The following SAMD3 variants were observed in gnomAD, a reference collection of about 807,000 sequenced individuals.
SAMD3 encodes the protein sterile alpha motif domain-containing protein 3.
In SAMD3, 63 loss-of-function variants were observed where a neutral mutation model predicts 58.5. The ratio of observed to expected loss-of-function variants is 1.08; its 90% CI spans 0.88 to 1.33. The LOEUF (loss-of-function observed/expected upper bound fraction) is 1.33. SAMD3 is among the 40% of genes most tolerant of loss of function. The pLI is 0.00. For synonymous variants in SAMD3, 220 were observed against 210.3 expected (o/e 1.05, Z -0.40); for missense variants, 604 against 608.4 (o/e 0.99, Z 0.08).
At chr6:130,290,827 A>G (rs967674199) in intron 2 of SAMD3, among the ~76,000 whole-genome samples, 1 of 152,220 alleles carries the variant, frequency 6.6e-6, no homozygotes, top group Non-Finnish European at 1.5e-5. Context: ...AAAAGCCATT[A>G]TTATTACTGT....
At chr6:130,297,182 G>T (rs1206501756) in intron 2 of SAMD3, among the ~76,000 whole-genome samples, 1 of 152,152 alleles carries the variant, frequency 6.6e-6, no homozygotes, top group East Asian at 1.9e-4. Flanking sequence ...AGTCCTGAAG[G>T]AGATAGTTTG....
At chr6:130,184,080 G>C in intron 7 of SAMD3, 23 bp downstream of exon 7, 1 of 1,587,832 alleles carries the variant, frequency 6.3e-7, no homozygotes, top group Non-Finnish European at 8.6e-7. Flanking sequence ...AAATTAACAG[G>C]ATGGTGCCAT....
chr6:130,294,102 C>T (rs957190054), intron 2 of SAMD3, among the ~76,000 whole-genome samples: 2 of 152,130 alleles, frequency 1.3e-5, no homozygotes, highest in Non-Finnish European at 2.9e-5. Context: ...CTGAGAGATA[C>T]AGATTTGAAG....
At chr6:130,351,812 C>T (rs574419702) in intron 1 of SAMD3, among the ~76,000 whole-genome samples, 77 of 152,134 alleles carry the variant, frequency 5.1e-4, no homozygotes, top group African/African-American at 1.7e-3. Context: ...TGGAACCAAC[C>T]CAAATGTCCA....
chr6:130,306,130 G>A (rs1421281510), intron 2 of SAMD3, among the ~76,000 whole-genome samples: 2 of 152,152 alleles, frequency 1.3e-5, no homozygotes, highest in African/African-American at 4.8e-5. Context: ...AGGTTTCAAC[G>A]TATGAATTGG....
At chr6:130,356,857 C>G (rs1234797854) in intron 1 of SAMD3, among the ~76,000 whole-genome samples, 1 of 152,190 alleles carries the variant, frequency 6.6e-6, no homozygotes, top group Non-Finnish European at 1.5e-5. Flanking sequence ...GACAACCAGA[C>G]AGCCACAATT....
intron 5 of SAMD3, among the ~76,000 whole-genome samples, chr6:130,195,522 C>T (rs1171320539): frequency 1.3e-5 from 2 of 152,142 alleles, no homozygotes; most frequent in South Asian, 2.1e-4. Context: ...CCCATGGTGC[C>T]GAACCCATAT....
intron 1 of SAMD3, among the ~76,000 whole-genome samples, chr6:130,359,478 T>C (rs1254867668): frequency 6.6e-6 from 1 of 152,240 alleles, no homozygotes; most frequent in East Asian, 1.9e-4. Context: ...CATCCTTGTC[T>C]ACCTTTTGAA....
chr6:130,363,559 T>C (rs1420032004), intron 1 of SAMD3, among the ~76,000 whole-genome samples: 1 of 152,210 alleles, frequency 6.6e-6, no homozygotes, highest in African/African-American at 2.4e-5. Flanking sequence ...CAATCACATA[T>C]GTATTGAGGA....
At chr6:130,365,487 G>A (rs182295047), upstream of SAMD3, 877 of 985,216 alleles carry the variant, frequency 8.9e-4, 7 homozygotes, top group African/African-American at 0.014. Context: ...ACCCCGGCCC[G>A]CCGGGCGGCA....
intron 2 of SAMD3, among the ~76,000 whole-genome samples, chr6:130,308,330 C>T (rs937104216): frequency 1.5e-5 from 2 of 136,858 alleles, no homozygotes; most frequent in African/African-American, 6.5e-5. Flanking sequence ...TCAACCTCCT[C>T]AATTTGGCAA....
chr6:130,307,697 T>A (rs1775953690), intron 2 of SAMD3, among the ~76,000 whole-genome samples: 1 of 152,254 alleles, frequency 6.6e-6, no homozygotes, highest in South Asian at 2.1e-4. Context: ...TGGTTGCTAA[T>A]GGTTATGTCC....
intron 2 of SAMD3, among the ~76,000 whole-genome samples, chr6:130,289,922 G>A (rs565927208): frequency 2.0e-5 from 3 of 152,262 alleles, no homozygotes; most frequent in South Asian, 2.1e-4. Flanking sequence ...GGCAGATCTC[G>A]TAATCTTGGA....
intron 5 of SAMD3, among the ~76,000 whole-genome samples, chr6:130,196,971 C>G (rs1290659093): frequency 6.6e-6 from 1 of 152,166 alleles, no homozygotes; most frequent in Non-Finnish European, 1.5e-5. Flanking sequence ...AGCAGTTTTT[C>G]AGGCTCTTAG....
intron 2 of SAMD3, among the ~76,000 whole-genome samples, chr6:130,237,150 C>T (rs73603969): frequency 0.012 from 1,888 of 152,148 alleles, 29 homozygotes; most frequent in African/African-American, 0.043. Flanking sequence ...CTATCTTCAG[C>T]AGTTCAGGAA....
chr6:130,229,871 C>T (rs1796494515), intron 2 of SAMD3, among the ~76,000 whole-genome samples: 1 of 152,140 alleles, frequency 6.6e-6, no homozygotes, highest in Admixed American at 6.5e-5. Flanking sequence ...AGAGAGTCAG[C>T]AAAGCTCACC....
rs144235530 is a variant in SAMD3 at position 130,164,313 on chromosome 6, A to T, written c.823-9288T>A. ...AATCTTCAAATAAATTAGCTGTAAAAATGAAAACTAGGTGTTTTTACTTAA... is the reference window on the plus strand; with the variant it reads ...AATCTTCAAATAAATTAGCTGTAAATATGAAAACTAGGTGTTTTTACTTAA... On this transcript the variant is annotated intron_variant, in intron 8 of 11. Coordinates refer to ENST00000439090, the MANE Select transcript of SAMD3 (RefSeq NM_001017373.4). 4.1e-4 allele frequency among the ~76,000 whole-genome samples: 63 copies of T among 152,338 alleles called. No homozygotes were observed. The East Asian group carries it at 0.011, about 26-fold the overall frequency.
chr6:130,337,442 T>C (rs1231690915), intron 1 of SAMD3, among the ~76,000 whole-genome samples: 1 of 152,232 alleles, frequency 6.6e-6, no homozygotes, highest in Non-Finnish European at 1.5e-5. Flanking sequence ...TAGGCAGTTC[T>C]TTATAGCAGT....
intron 2 of SAMD3, among the ~76,000 whole-genome samples, chr6:130,305,834 A>C (rs1001992686): frequency 6.6e-6 from 1 of 152,252 alleles, no homozygotes; most frequent in African/African-American, 2.4e-5. Flanking sequence ...GACTTGTCCT[A>C]GTCTGTTTGG....
Sources: gnomAD v4.1 joint callset for allele counts (sites outside exome capture counted in the v4.1 genomes callset) on GRCh38, gnomAD v4.1.1 for gene constraint, MANE v1.5 for transcripts, NCBI Gene and HGNC (gene_info 2026-07-23, HGNC 2026-07-21) for gene names.